Variants in ARHGAP31 observed in about 807,000 individuals in gnomAD.
ARHGAP31 encodes the protein rho GTPase-activating protein 31.
ARHGAP31 carries 34 observed loss-of-function variants against 113.9 expected under a neutral mutation model. That is an observed-to-expected ratio of 0.30 (90% CI 0.23 to 0.40). ARHGAP31 has a LOEUF of 0.40. Ranked by LOEUF, ARHGAP31 falls within the 10% of genes least tolerant of loss-of-function variation. The probability of loss-of-function intolerance (pLI) is 1.00; values close to 1 mark genes in which losing one functional copy is unlikely to be tolerated. For synonymous variants in ARHGAP31, 650 were observed against 684.8 expected (o/e 0.95, Z 0.79); for missense variants, 1,548 against 1,767.1 (o/e 0.88, Z 2.22).
At chr3:119,399,167 T>A (rs1375713504) in intron 8 of ARHGAP31, 32 bp from the exon 9 acceptor site, 3 of 1,595,008 alleles carry the variant, frequency 1.9e-6, no homozygotes, top group Non-Finnish European at 2.6e-6. Context: ...TTAATATGCA[T>A]TCATCAAGGA....
At chr3:119,382,153 T>C in intron 4 of ARHGAP31, 139 bp from the exon 5 acceptor site, 1 of 931,794 alleles carries the variant, frequency 1.1e-6, no homozygotes, top group Non-Finnish European at 1.7e-6. Flanking sequence ...TCTGTCAATC[T>C]TGACATCTTT....
intron 1 of ARHGAP31, among the ~76,000 whole-genome samples, chr3:119,310,994 C>CA (rs2079675505): frequency 6.6e-6 from 1 of 152,184 alleles, no homozygotes; most frequent in Non-Finnish European, 1.5e-5. Context: ...TGCTAACCTC[C>CA]AGCAAGGCAG....
chr3:119,318,002 G>A (rs6803331), intron 1 of ARHGAP31, among the ~76,000 whole-genome samples: 4,617 of 152,036 alleles, frequency 0.03, 189 homozygotes, highest in African/African-American at 0.08. Context: ...GTTTGTTCAC[G>A]GTTTTTAAAT....
Position 119,380,942 on chromosome 3 carries a change from C to T in ARHGAP31, c.387C>T (p.Ala129=), listed in dbSNP as rs746489598. ...VSHCPEEGQL[A]RIQNVIQELP... is the part of the protein sequence containing the mutation. ...ATTGCCCTGAAGAAGGCCAACTGGC[C>T]CGAATCCAAAATGTTATCCAGGAGC... The change falls in exon 4 of 12, where the codon GCC becomes GCT. Residue 129 remains alanine, a synonymous_variant. Transcript: ENST00000264245. 2 of 1,614,078 alleles carry T rather than the reference C, an allele frequency of 1.2e-6. No homozygotes were observed. The highest frequency in any genetic ancestry group is 1.1e-5 in the South Asian group (1 of 91,066).
intron 10 of ARHGAP31, among the ~76,000 whole-genome samples, chr3:119,405,591 G>T (rs1367124327): frequency 6.6e-6 from 1 of 152,174 alleles, no homozygotes; most frequent in Non-Finnish European, 1.5e-5. Context: ...GGAGGCTGAG[G>T]AATGTCACTA....
At chr3:119,388,085 A>G (rs9826000) in intron 6 of ARHGAP31, among the ~76,000 whole-genome samples, 7,978 of 152,160 alleles carry the variant, frequency 0.052, 665 homozygotes, top group African/African-American at 0.18. Context: ...ACATTGGCCA[A>G]TGTGGCTGGA....
chr3:119,414,555 G>A lies in ARHGAP31; in HGVS notation c.2626G>A (p.Glu876Lys). ...GGTTGAGATCGTCTCACAAGAAGAGGAGGATGTAACCCATTCAGTACAGGA... is the reference window on the plus strand; with the variant it reads ...GGTTGAGATCGTCTCACAAGAAGAGAAGGATGTAACCCATTCAGTACAGGA... ...REVEIVSQEEEDVTHSVQEPS... is the reference protein window; with the variant it reads ...REVEIVSQEEKDVTHSVQEPS... Residue 876 changes from glutamate to lysine, a missense_variant, in exon 12 of 12, where the codon GAG (glutamate) becomes AAG (lysine). Transcript: ENST00000264245. 6.2e-7 allele frequency: 1 copy of A among 1,614,218 alleles called. No individual in the cohort carries two copies. Among genetic ancestry groups the A allele is most frequent in the Non-Finnish European group, 8.5e-7 (1 of 1,180,038 alleles).
intron 10 of ARHGAP31, among the ~76,000 whole-genome samples, chr3:119,405,185 C>T (rs1286785707): frequency 6.6e-6 from 1 of 151,902 alleles, no homozygotes; most frequent in East Asian, 1.9e-4. Flanking sequence ...TTTGTTTTGC[C>T]CTATTTTTTT....
At chr3:119,354,640 T>C (rs1451331335) in intron 1 of ARHGAP31, among the ~76,000 whole-genome samples, 1 of 151,132 alleles carries the variant, frequency 6.6e-6, no homozygotes, top group Non-Finnish European at 1.5e-5. Context: ...GCCTCCCGAG[T>C]AGCTGGTATT....
At chr3:119,339,009 G>A (rs150218788) in intron 1 of ARHGAP31, among the ~76,000 whole-genome samples, 5 of 152,322 alleles carry the variant, frequency 3.3e-5, no homozygotes, top group Non-Finnish European at 7.4e-5. Context: ...TCAGAGTCAT[G>A]AATTACTTGG....
chr3:119,352,152 CT>C (rs1174618039), intron 1 of ARHGAP31, among the ~76,000 whole-genome samples: 2 of 152,240 alleles, frequency 1.3e-5, no homozygotes, highest in African/African-American at 4.8e-5. Flanking sequence ...CAAAACCCTT[CT>C]GTACAGTTTC....
chr3:119,409,173 A>G (rs916365197), intron 10 of ARHGAP31, among the ~76,000 whole-genome samples: 4 of 152,242 alleles, frequency 2.6e-5, no homozygotes, highest in South Asian at 2.1e-4. Flanking sequence ...CCCCTCCCCA[A>G]TGTTGTGGCA....
intron 1 of ARHGAP31, among the ~76,000 whole-genome samples, chr3:119,316,501 TCAGGTTTCCAGCAAACAGAGAAATCC>T (rs1198351523): frequency 6.6e-6 from 1 of 152,184 alleles, no homozygotes; most frequent in Non-Finnish European, 1.5e-5. Flanking sequence ...AGATAGGTAA[TCAGGTTTCCAGCAAACAGAGAAATCC>T]CTGGCCAGCT....
At chr3:119,367,989 C>T (rs4687850) in intron 2 of ARHGAP31, among the ~76,000 whole-genome samples, 6,747 of 152,150 alleles carry the variant, frequency 0.044, 413 homozygotes, top group South Asian at 0.15. Context: ...ACCCTAGTTT[C>T]GGTCTCTCCT....
intron 1 of ARHGAP31, among the ~76,000 whole-genome samples, chr3:119,312,261 G>T (rs1172581173): frequency 3.9e-5 from 6 of 152,228 alleles, no homozygotes; most frequent in Admixed American, 3.9e-4. Context: ...GAGAGAAAAT[G>T]TACCTGGGGC....
In ARHGAP31 at chr3:119,415,096, A is replaced by T; in HGVS notation, c.3167A>T (p.Gln1056Leu). 6.2e-7 allele frequency: 1 copy of T among 1,614,218 alleles called. No individual in the cohort carries two copies. The highest frequency in any genetic ancestry group is 8.5e-7 in the Non-Finnish European group (1 of 1,180,040). Residue 1056 changes from glutamine (Q) to leucine (L), a missense_variant, in exon 12 of 12, where the codon CAG (glutamine) becomes CTG (leucine). Transcript: ENST00000264245. ...LGTHLGHSSPQIRQGGVPGPE... is the reference protein window; with the variant it reads ...LGTHLGHSSPLIRQGGVPGPE... ...ACACACCTGGGGCACAGCAGTCCACAGATTAGGCAAGGTGGTGTTCCTGGG... is the reference window on the plus strand; with the variant it reads ...ACACACCTGGGGCACAGCAGTCCACTGATTAGGCAAGGTGGTGTTCCTGGG...
rs761477986 is a variant in ARHGAP31 at position 119,393,639 on chromosome 3, ACT to A, written c.1006+51_1006+52del. On this transcript the variant is annotated intron_variant, in intron 8 of 11. Transcript: ENST00000264245. ...TTATGATACAAATATTTGTTTCCTA[ACT>A]CTGCTTATTAAGTCTTTGGTTTGAT... The A allele has an allele frequency of 1.2e-5, 19 of 1,609,550 alleles. No individual in the cohort carries two copies. The African/African-American group carries it at 1.9e-4, about 16-fold the overall frequency.
Position 119,368,490 on chromosome 3 carries a change from A to G in ARHGAP31, c.322A>G (p.Thr108Ala). The part of the protein sequence containing the change: ...YFRELPNPLL[T>A]YELYEKFTEA... Reference sequence around the variant, plus strand: ...TAGGGAGCTGCCCAACCCCCTCCTGACTTATGAGCTCTATGAGAAATTCAC... The same window carrying G: ...TAGGGAGCTGCCCAACCCCCTCCTGGCTTATGAGCTCTATGAGAAATTCAC... The change falls in exon 3 of 12, where the codon ACT (threonine) becomes GCT (alanine). Residue 108 changes from threonine (T) to alanine (A), a missense_variant. Transcript: ENST00000264245. 1.2e-6 allele frequency: 2 copies of G among 1,614,044 alleles called. No individual in the cohort carries two copies. Among genetic ancestry groups the G allele is most frequent in the Non-Finnish European group, 1.7e-6 (2 of 1,179,992 alleles).
At chr3:119,308,583 A>G (rs1309550736) in intron 1 of ARHGAP31, among the ~76,000 whole-genome samples, 4 of 152,208 alleles carry the variant, frequency 2.6e-5, no homozygotes, top group African/African-American at 4.8e-5. Context: ...TCAATGACTC[A>G]TGTGATCAGG....
Sources: gnomAD v4.1 joint callset for allele counts (sites outside exome capture counted in the v4.1 genomes callset) on GRCh38, gnomAD v4.1.1 for gene constraint, MANE v1.5 for transcripts, NCBI Gene and HGNC (gene_info 2026-07-23, HGNC 2026-07-21) for gene names.